PTK2: variants seen among roughly 807,000 people sequenced by gnomAD.
PTK2 encodes focal adhesion kinase 1.
Under a neutral mutation model 150.1 loss-of-function variants are expected in PTK2, and 45 were observed. The observed-to-expected ratio is 0.30, with a 90% CI of 0.24 to 0.38. The LOEUF is 0.38. Ranked by LOEUF, PTK2 falls within the 10% of genes least tolerant of loss-of-function variation. The probability of loss-of-function intolerance (pLI) is 1.00; values close to 1 mark genes in which losing one functional copy is unlikely to be tolerated. For synonymous variants in PTK2, 432 were observed against 449.2 expected, an observed-to-expected ratio of 0.96 and a Z score of 0.48; for missense variants, 919 against 1,307.3, an observed-to-expected ratio of 0.70 and a Z score of 4.58.
chr8:140,805,342 C>A (rs1032595510), intron 10 of PTK2, among the ~76,000 whole-genome samples: 1 of 152,030 alleles, frequency 6.6e-6, no homozygotes, highest in Non-Finnish European at 1.5e-5. Flanking sequence ...GGGTGGATCA[C>A]GAGGTCAGGA....
chr8:140,985,426 T>A (rs2100192974), intron 1 of PTK2, among the ~76,000 whole-genome samples: 1 of 152,172 alleles, frequency 6.6e-6, no homozygotes, highest in South Asian at 2.1e-4. Context: ...GTGCCTGGCC[T>A]CATGACATTT....
chr8:140,913,829 C>G (rs2100164159), intron 2 of PTK2, among the ~76,000 whole-genome samples: 1 of 152,088 alleles, frequency 6.6e-6, no homozygotes, highest in South Asian at 2.1e-4. Context: ...TATATTAATT[C>G]AACTTATAAA....
At chr8:140,695,629 T>G (rs1274570586) in intron 26 of PTK2, among the ~76,000 whole-genome samples, 1 of 152,182 alleles carries the variant, frequency 6.6e-6, no homozygotes, top group East Asian at 1.9e-4. Context: ...CTTGAACTCC[T>G]GACCTCAGAT....
intron 12 of PTK2, among the ~76,000 whole-genome samples, chr8:140,794,436 C>A (rs763517224): frequency 6.6e-6 from 1 of 152,178 alleles, no homozygotes; most frequent in Non-Finnish European, 1.5e-5. Flanking sequence ...TGTAGTCACA[C>A]TTGCTGTCCA....
At chr8:140,912,849 G>A (rs774556209) in intron 2 of PTK2, among the ~76,000 whole-genome samples, 3 of 152,088 alleles carry the variant, frequency 2.0e-5, no homozygotes, top group Admixed American at 6.6e-5. Flanking sequence ...GGGAGGCTGA[G>A]GCAGGAGAAT....
chr8:140,867,165 A>G (rs943835128), intron 4 of PTK2, among the ~76,000 whole-genome samples: 3 of 152,188 alleles, frequency 2.0e-5, no homozygotes, highest in Non-Finnish European at 4.4e-5. Context: ...AGTCAATGGC[A>G]TGCTGTGCAC....
At chr8:140,740,065 G>A (rs147095661) in intron 20 of PTK2, among the ~76,000 whole-genome samples, 78 of 152,344 alleles carry the variant, frequency 5.1e-4, no homozygotes, top group African/African-American at 1.8e-3. Flanking sequence ...CTCTAGGGAA[G>A]CCTGAAATCA....
At chr8:140,841,217 A>G (rs966600296) in intron 7 of PTK2, among the ~76,000 whole-genome samples, 2 of 152,082 alleles carry the variant, frequency 1.3e-5, no homozygotes, top group African/African-American at 4.8e-5. Flanking sequence ...AATACAACAA[A>G]ATGTTAATAA....
chr8:140,728,975 A>C (rs919896407), intron 22 of PTK2, among the ~76,000 whole-genome samples: 2 of 152,172 alleles, frequency 1.3e-5, no homozygotes, highest in East Asian at 3.8e-4. Context: ...AGGTGTTGCT[A>C]TAATAGCTTG....
chr8:140,727,710 G>T (rs1282327724), intron 22 of PTK2, among the ~76,000 whole-genome samples: 1 of 152,078 alleles, frequency 6.6e-6, no homozygotes, highest in Non-Finnish European at 1.5e-5. Context: ...GCTGTTCACA[G>T]ATTAATATTT....
At chr8:140,927,113 G>A (rs2100169754) in intron 1 of PTK2, among the ~76,000 whole-genome samples, 1 of 152,134 alleles carries the variant, frequency 6.6e-6, no homozygotes, top group Admixed American at 6.5e-5. Context: ...GAAGTTCAAA[G>A]TGTTCAATCT....
intron 5 of PTK2, among the ~76,000 whole-genome samples, chr8:140,861,776 A>C (rs2100136249): frequency 6.6e-6 from 1 of 152,252 alleles, no homozygotes; most frequent in Non-Finnish European, 1.5e-5. Context: ...TATTATATAC[A>C]GAACAAGCAC....
At chr8:140,817,788 A>G (rs545004675) in intron 10 of PTK2, among the ~76,000 whole-genome samples, 20 of 152,346 alleles carry the variant, frequency 1.3e-4, no homozygotes, top group African/African-American at 4.8e-4. Context: ...TAGGAAGATA[A>G]CAAAAGAAGT....
intron 16 of PTK2, among the ~76,000 whole-genome samples, chr8:140,758,295 C>T (rs1239840262): frequency 1.3e-5 from 2 of 152,088 alleles, no homozygotes; most frequent in Non-Finnish European, 2.9e-5. Context: ...TACTAAGTTG[C>T]CCAGGCTGGT....
intron 4 of PTK2, among the ~76,000 whole-genome samples, chr8:140,871,478 A>G (rs1361012353): frequency 6.6e-6 from 1 of 152,226 alleles, no homozygotes; most frequent in African/African-American, 2.4e-5. Flanking sequence ...ATTAAAAGCA[A>G]TAACAAAATA....
chr8:140,695,231 T>A (rs769201374), intron 26 of PTK2, among the ~76,000 whole-genome samples: 1 of 152,158 alleles, frequency 6.6e-6, no homozygotes, highest in Non-Finnish European at 1.5e-5. Flanking sequence ...TGACCTCCTA[T>A]ACCAATTCAC....
intron 8 of PTK2, among the ~76,000 whole-genome samples, chr8:140,824,879 T>C (rs1224812258): frequency 1.3e-5 from 2 of 152,210 alleles, no homozygotes; most frequent in Non-Finnish European, 2.9e-5. Context: ...CCAATTTACA[T>C]ATAGTGATAA....
chr8:140,666,003 A>C (rs2091035689), intron 30 of PTK2, among the ~76,000 whole-genome samples: 1 of 152,236 alleles, frequency 6.6e-6, no homozygotes, highest in South Asian at 2.1e-4. Flanking sequence ...TTGATGGTTT[A>C]TAAGAAGCTG....
At chr8:140,826,381 T>C (rs532840288) in intron 8 of PTK2, among the ~76,000 whole-genome samples, 1 of 152,308 alleles carries the variant, frequency 6.6e-6, no homozygotes, top group South Asian at 2.1e-4. Context: ...AAAGAATTTA[T>C]GTCAAATGTG....
Sources: gnomAD v4.1 joint callset for allele counts (sites outside exome capture counted in the v4.1 genomes callset) on GRCh38, gnomAD v4.1.1 for gene constraint, MANE v1.5 for transcripts, NCBI Gene and HGNC (gene_info 2026-07-23, HGNC 2026-07-21) for gene names.